Variants in SPOCK2 observed in about 807,000 individuals in gnomAD.
The protein encoded by SPOCK2 is testican-2.
Under a neutral mutation model 60.1 loss-of-function variants are expected in SPOCK2, and 39 were observed. The observed-to-expected ratio is 0.65, with a 90% CI of 0.50 to 0.85. The LOEUF (loss-of-function observed/expected upper bound fraction) is 0.85. SPOCK2 is among the 40% of genes least tolerant of loss of function. SPOCK2 has a pLI of 0.00. For synonymous variants in SPOCK2, 217 were observed against 231.5 expected (o/e 0.94, Z 0.57); for missense variants, 523 against 567.4 (o/e 0.92, Z 0.80).
intron 9 of SPOCK2, among the ~76,000 whole-genome samples, chr10:72,063,513 G>T (rs977172383): frequency 2.6e-5 from 4 of 152,256 alleles, no homozygotes; most frequent in South Asian, 2.1e-4. Flanking sequence ...CCACAGTTCC[G>T]CCGGCCTGGC....
chr10:72,067,266 G>C (rs1840582940), intron 7 of SPOCK2, 146 bp from the exon 8 acceptor site: 1 of 878,080 alleles, frequency 1.1e-6, no homozygotes, highest in African/African-American at 1.7e-5. Flanking sequence ...AGAAACTCGA[G>C]AACGGCGAAA....
At chr10:72,084,629 C>T (rs1840831107) in intron 1 of SPOCK2, among the ~76,000 whole-genome samples, 1 of 152,188 alleles carries the variant, frequency 6.6e-6, no homozygotes, top group East Asian at 1.9e-4. Flanking sequence ...TTCTCACTTT[C>T]GCTAAGGGTG....
intron 1 of SPOCK2, among the ~76,000 whole-genome samples, chr10:72,084,140 G>A (rs770548848): frequency 1.3e-4 from 20 of 152,230 alleles, no homozygotes; most frequent in Non-Finnish European, 2.4e-4. Context: ...ATGAGTGACA[G>A]TGAGCGTGCA....
intron 9 of SPOCK2, 74 bp downstream of exon 9, chr10:72,064,104 G>C: frequency 1.3e-6 from 2 of 1,555,088 alleles, no homozygotes; most frequent in South Asian, 2.3e-5. Flanking sequence ...CCCAAGGCTG[G>C]AGGCCCTGGG....
Position 72,088,518 on chromosome 10 carries a change from GC to G in SPOCK2, c.-191del. 1.6e-6 allele frequency: 1 copy of G among 617,256 alleles called. No individual in the cohort carries two copies. The highest frequency in any genetic ancestry group is 2.7e-6 in the Non-Finnish European group (1 of 371,216). The allele number at this position is 617,256 out of a possible 1,614,324, so 38.2% of individuals were successfully genotyped here. A position where few individuals can be genotyped will look rare whatever the true frequency, so the allele number is the denominator to read the frequency against. On this transcript the variant is annotated 5_prime_UTR_variant, in exon 1 of 11. Coordinates refer to ENST00000373109, the MANE Select transcript of SPOCK2 (RefSeq NM_001244950.2). Reference sequence around the variant, plus strand: ...TTAGGAGATGCACTTGTCTGAAAAAGCCCAGCACTGGACGCGGAGAGGGAGA... The same window carrying G: ...TTAGGAGATGCACTTGTCTGAAAAAGCCAGCACTGGACGCGGAGAGGGAGA...
intron 1 of SPOCK2, among the ~76,000 whole-genome samples, chr10:72,077,766 C>G (rs947963970): frequency 6.6e-6 from 1 of 152,192 alleles, no homozygotes; most frequent in Non-Finnish European, 1.5e-5. Context: ...CTTCCAATTC[C>G]AGGCCCGTTC....
rs1229816975 is a variant in SPOCK2 at position 72,078,287 on chromosome 10, G to A, written c.190-5377C>T. 5.9e-5 allele frequency among the ~76,000 whole-genome samples: 9 copies of A among 152,210 alleles called. No homozygotes were observed. In the East Asian group the frequency reaches 9.7e-4, roughly 16 times the overall value. On this transcript the variant is annotated intron_variant, in intron 1 of 10. Transcript: ENST00000373109. ...TCCCAGCACTTTGGGAGGCCAAGGC[G>A]GGCGGATCACGAGGTCAGGAGATCG...
Position 72,065,098 on chromosome 10 carries a change from C to T in SPOCK2, c.929-858G>A, listed in dbSNP as rs1840550855. On this transcript the variant is annotated intron_variant, in intron 8 of 10. Transcript: ENST00000373109. ...TCGCCCAGGCTGGAGTGCAACGGCA[C>T]GATCTTGGCTCACTGCAACCTCTGC... Among the ~76,000 whole-genome samples, 3 of 124,576 alleles carry T rather than the reference C, an allele frequency of 2.4e-5. 1 individual carries two copies. The highest frequency in any genetic ancestry group is 7.8e-5 in the African/African-American group (3 of 38,334). The allele number at this position is 124,576 out of a possible 152,430, so 81.7% of individuals were successfully genotyped here.
intron 1 of SPOCK2, 141 bp from the exon 2 acceptor site, chr10:72,073,051 G>T: frequency 1.7e-6 from 2 of 1,185,764 alleles, no homozygotes; most frequent in South Asian, 2.8e-5. Context: ...GCCTTCGATG[G>T]CTGTGTTCCT....
At chr10:72,082,371 G>C (rs1840797048) in intron 1 of SPOCK2, among the ~76,000 whole-genome samples, 1 of 152,232 alleles carries the variant, frequency 6.6e-6, no homozygotes, top group Non-Finnish European at 1.5e-5. Context: ...GCTCTTAGAA[G>C]ACCCACATTG....
Position 72,072,187 on chromosome 10 carries a change from A to G in SPOCK2, c.316T>C (p.Tyr106His), listed in dbSNP as rs1242316399. 6 of 1,554,286 alleles carry G rather than the reference A, an allele frequency of 3.9e-6. No individual in the cohort carries two copies. Among genetic ancestry groups the G allele is most frequent in the Non-Finnish European group, 5.2e-6 (6 of 1,149,994 alleles). Reference protein sequence around the residue: ...SRHKVCIAQGYQRAMCISRKK... With the variant: ...SRHKVCIAQGHQRAMCISRKK... ...CGACTGATGCACATGGCCCGCTGGT[A>G]GCCCTGGGCAATGCACACCTTGTGG... The change falls in exon 4 of 11, where the codon TAC (tyrosine) becomes CAC (histidine). Residue 106 changes from tyrosine to histidine, a missense_variant. Transcript: ENST00000373109.
chr10:72,066,954 G>C lies in SPOCK2; in HGVS notation c.876C>G (p.Tyr292Ter). Residue 292 changes from tyrosine (Y) to a stop codon, truncating the protein, a stop_gained, in exon 8 of 11, where the codon TAC (tyrosine) becomes TAG (stop). Coordinates refer to ENST00000373109, the MANE Select transcript of SPOCK2 (RefSeq NM_001244950.2). LOFTEE classifies it high-confidence loss of function. ...CAGCAGTAGAGACCCGGCCATCCTT[G>C]TAGGTGTCACAGGAGTTGAAGAAGG... Reference protein sequence around the residue: ...IRPFFNSCDTYKDGRVSTAEW... With the variant: ...IRPFFNSCDT The C allele has an allele frequency of 6.2e-7, 1 of 1,614,240 alleles. No homozygotes were observed. The highest frequency in any genetic ancestry group is 8.5e-7 in the Non-Finnish European group (1 of 1,180,040).
chr10:72,072,537 G>A lies in SPOCK2; in HGVS notation c.210C>T (p.Ile70=). The A allele has an allele frequency of 1.2e-6, 2 of 1,614,034 alleles. No individual in the cohort carries two copies. The highest frequency in any genetic ancestry group is 2.2e-5 in the East Asian group (1 of 44,884). ...CTTGCTGATTGTCCTCCCAGCTCTT[G>A]ATATAGTCATCCTAGAGGACAGAGA... ...RFRDEVEDDY[I]KSWEDNQQGD... The change falls in exon 3 of 11, where the codon ATC becomes ATT. Residue 70 remains isoleucine, a synonymous_variant. Coordinates refer to ENST00000373109, the MANE Select transcript of SPOCK2 (RefSeq NM_001244950.2).
At chr10:72,065,714 C>G (rs964076800) in intron 8 of SPOCK2, among the ~76,000 whole-genome samples, 1 of 152,166 alleles carries the variant, frequency 6.6e-6, no homozygotes, top group African/African-American at 2.4e-5. Context: ...TTCAAAGGCC[C>G]AGAAAGTCAA....
intron 1 of SPOCK2, among the ~76,000 whole-genome samples, chr10:72,075,976 C>T (rs1282977472): frequency 6.6e-6 from 1 of 152,190 alleles, no homozygotes; most frequent in Non-Finnish European, 1.5e-5. Flanking sequence ...GCAGATGGCA[C>T]CTGCGGGGTG....
intron 5 of SPOCK2, among the ~76,000 whole-genome samples, chr10:72,069,460 CTA>C (rs1463398720): frequency 6.7e-6 from 1 of 150,338 alleles, no homozygotes; most frequent in Non-Finnish European, 1.5e-5. Context: ...ACCTGCATTT[CTA>C]TGTTACTTTT....
Position 72,066,896 on chromosome 10 carries a change from A to C in SPOCK2, c.928+6T>G, listed in dbSNP as rs2131811724. ...GGCAGGGGCCTGGGAGGGGGGCTGC[A>C]CTCACTCTCCCTCCAGAAGCAGAAG... On this transcript the variant is annotated splice_donor_region_variant and intron_variant, in intron 8 of 10. Coordinates refer to ENST00000373109, the MANE Select transcript of SPOCK2 (RefSeq NM_001244950.2). 1 of 1,613,242 alleles carries C rather than the reference A, an allele frequency of 6.2e-7. No homozygotes were observed. The highest frequency in any genetic ancestry group is 8.5e-7 in the Non-Finnish European group (1 of 1,179,356).
Position 72,080,970 on chromosome 10 carries a change from G to A in SPOCK2, c.189+7170C>T, listed in dbSNP as rs1190609677. Among the ~76,000 whole-genome samples, 3 of 152,234 alleles carry A rather than the reference G, an allele frequency of 2.0e-5. No individual in the cohort carries two copies. In the East Asian group the frequency reaches 5.8e-4, roughly 29 times the overall value. On this transcript the variant is annotated intron_variant, in intron 1 of 10. Transcript: ENST00000373109. ...AATAGTCCATAAAGGGCAGAGAACAGCGGGAGGTGTGAGGGGCCCGGGGCT... is the reference window on the plus strand; with the variant it reads ...AATAGTCCATAAAGGGCAGAGAACAACGGGAGGTGTGAGGGGCCCGGGGCT...
At chr10:72,072,764 G>T in intron 2 of SPOCK2, 138 bp downstream of exon 2, 1 of 1,417,448 alleles carries the variant, frequency 7.1e-7, no homozygotes, top group Non-Finnish European at 9.8e-7. Context: ...AGCCTCTCCC[G>T]TGAGCTCCTG....
Sources: gnomAD v4.1 joint callset for allele counts (sites outside exome capture counted in the v4.1 genomes callset) on GRCh38, gnomAD v4.1.1 for gene constraint, MANE v1.5 for transcripts, NCBI Gene and HGNC (gene_info 2026-07-23, HGNC 2026-07-21) for gene names.